FNDC1: variants seen among roughly 807,000 people sequenced by gnomAD.
FNDC1 encodes fibronectin type III domain-containing protein 1.
FNDC1 carries 96 observed loss-of-function variants against 168.0 expected under a neutral mutation model. The ratio of observed to expected loss-of-function variants is 0.57; its 90% CI spans 0.48 to 0.68. The LOEUF is 0.68. FNDC1 is among the 30% of genes least tolerant of loss of function. FNDC1 has a pLI of 0.00. For synonymous variants in FNDC1, 1,099 were observed against 1,025.9 expected (o/e 1.07, Z -1.36); for missense variants, 2,587 against 2,482.1 (o/e 1.04, Z -0.90).
chr6:159,261,157 T>C, intron 18 of FNDC1, 33 bp from the exon 19 acceptor site: 2 of 1,522,946 alleles, frequency 1.3e-6, no homozygotes, highest in Non-Finnish European at 1.8e-6. Context: ...CAAATACATG[T>C]CTCTTTCAAA....
chr6:159,171,337 G>T (rs1376129797), intron 1 of FNDC1, among the ~76,000 whole-genome samples: 6 of 152,202 alleles, frequency 3.9e-5, no homozygotes, highest in Non-Finnish European at 5.9e-5. Flanking sequence ...AGTAATAGAA[G>T]GATAGAAACA....
intron 1 of FNDC1, among the ~76,000 whole-genome samples, chr6:159,183,350 C>T (rs1168886301): frequency 6.6e-6 from 1 of 152,188 alleles, no homozygotes; most frequent in African/African-American, 2.4e-5. Context: ...AAAATCTCTC[C>T]TGCTTCCATG....
intron 1 of FNDC1, among the ~76,000 whole-genome samples, chr6:159,177,296 G>A (rs189514789): frequency 5.0e-4 from 76 of 152,246 alleles, no homozygotes; most frequent in Non-Finnish European, 8.4e-4. Context: ...AGTGTGGATA[G>A]CGGGTACCTT....
intron 22 of FNDC1, among the ~76,000 whole-genome samples, chr6:159,270,692 A>AATGGTCAGAT (rs1488069900): frequency 6.6e-6 from 1 of 152,226 alleles, no homozygotes; most frequent in Non-Finnish European, 1.5e-5. Context: ...AATGGTCAGA[A>AATGGTCAGAT]ATGCTACAGG....
intron 12 of FNDC1, among the ~76,000 whole-genome samples, chr6:159,237,552 C>G (rs758029461): frequency 2.6e-5 from 4 of 152,138 alleles, no homozygotes; most frequent in African/African-American, 9.7e-5. Flanking sequence ...TATTAGGCAA[C>G]GTGATTACAA....
At chr6:159,182,385 T>A (rs2114925658) in intron 1 of FNDC1, among the ~76,000 whole-genome samples, 1 of 152,296 alleles carries the variant, frequency 6.6e-6, no homozygotes, top group East Asian at 1.9e-4. Context: ...ACAGACTATG[T>A]GTCCTCTTGG....
At chr6:159,234,641 G>C (rs2932987) in intron 11 of FNDC1, among the ~76,000 whole-genome samples, 162 bp downstream of exon 11, 128,506 of 152,296 alleles carry the variant, frequency 0.84, 54,695 homozygotes, top group Non-Finnish European at 0.9. Flanking sequence ...ACGGTCCCTA[G>C]GGTTTGCATT....
intron 19 of FNDC1, among the ~76,000 whole-genome samples, chr6:159,264,249 C>G (rs1275212966): frequency 2.0e-5 from 3 of 152,204 alleles, no homozygotes; most frequent in African/African-American, 7.2e-5. Context: ...GTCCTTGTCT[C>G]TCTAGTTTAT....
intron 5 of FNDC1, among the ~76,000 whole-genome samples, chr6:159,220,369 G>A (rs1228688955): frequency 6.6e-6 from 1 of 152,176 alleles, no homozygotes; most frequent in African/African-American, 2.4e-5. Context: ...TGTCACTTCC[G>A]TTAACTTACT....
At chr6:159,221,731 G>C in intron 6 of FNDC1, 35 bp downstream of exon 6, 1 of 1,459,116 alleles carries the variant, frequency 6.9e-7, no homozygotes, top group Non-Finnish European at 9.6e-7. Context: ...TCAAACCATA[G>C]TCTGGTATGA....
At chr6:159,208,499 T>C (rs1030005182) in intron 4 of FNDC1, among the ~76,000 whole-genome samples, 1 of 152,218 alleles carries the variant, frequency 6.6e-6, no homozygotes, top group African/African-American at 2.4e-5. Flanking sequence ...GGCCATCCTG[T>C]GTAGAGCTCT....
rs1267149654 is a variant in FNDC1 at position 159,169,501 on chromosome 6, G to C, written c.-96G>C. On this transcript the variant is annotated 5_prime_UTR_variant, in exon 1 of 23. Transcript: ENST00000297267. The surrounding 1 kb of genome is among the most constrained non-coding windows in gnomAD (Gnocchi z 6.8). Reference sequence around the variant, plus strand: ...GCGCGCAGAACAGACGGACGGCGGCGGGGACCCGACGGCGGCGCCTCGGCA... The same window carrying C: ...GCGCGCAGAACAGACGGACGGCGGCCGGGACCCGACGGCGGCGCCTCGGCA... 1.2e-5 allele frequency: 3 copies of C among 244,380 alleles called. No individual in the cohort carries two copies. Among genetic ancestry groups the C allele is most frequent in the South Asian group, 3.3e-4 (2 of 6,152 alleles). The allele number at this position is 244,380 out of a possible 1,614,324, so 15.1% of individuals were successfully genotyped here.
intron 4 of FNDC1, among the ~76,000 whole-genome samples, chr6:159,214,484 T>C (rs190559059): frequency 8.5e-5 from 13 of 152,312 alleles, no homozygotes; most frequent in African/African-American, 3.1e-4. Flanking sequence ...CAGTTAATGA[T>C]TCATTGTAAA....
chr6:159,170,326 GA>G (rs772698332), intron 1 of FNDC1, among the ~76,000 whole-genome samples: 39 of 152,334 alleles, frequency 2.6e-4, no homozygotes, highest in Non-Finnish European at 4.4e-4. Context: ...AGAGGAGGGA[GA>G]GGGAAATGAG....
intron 5 of FNDC1, among the ~76,000 whole-genome samples, chr6:159,217,328 C>T (rs1782730012): frequency 6.6e-6 from 1 of 152,232 alleles, no homozygotes; most frequent in South Asian, 2.1e-4. Context: ...GCCCACACTC[C>T]TAGGCGCTCT....
rs543187494 is a variant in FNDC1, at chr6:159,265,996, A to G, written c.5285-88A>G. On this transcript the variant is annotated intron_variant, in intron 20 of 22. Transcript: ENST00000297267. ...AAGCCCTGTAAGGAAAGGAAGGCCC[A>G]GGAAGTCAGTGCAATTTCCTGGCAC... 1.2e-5 allele frequency: 17 copies of G among 1,397,710 alleles called. No individual in the cohort carries two copies. In the African/African-American group the frequency reaches 2.4e-4, roughly 20 times the overall value. 86.6% of individuals were successfully genotyped at this position (1,397,710 alleles called of 1,614,324 possible).
chr6:159,261,323 A>G, intron 19 of FNDC1, 54 bp downstream of exon 19: 1 of 1,214,988 alleles, frequency 8.2e-7, no homozygotes. Flanking sequence ...AATGAAATAA[A>G]TAATCTAGCA....
At chr6:159,266,291 G>A in intron 21 of FNDC1, 46 bp downstream of exon 21, 17 of 1,601,870 alleles carry the variant, frequency 1.1e-5, no homozygotes, top group Non-Finnish European at 1.4e-5. Context: ...GGAACATTTT[G>A]ATTTATCAAG....
intron 4 of FNDC1, among the ~76,000 whole-genome samples, 159 bp from the exon 5 acceptor site, chr6:159,214,786 T>TG (rs1051389826): frequency 3.3e-5 from 5 of 152,194 alleles, no homozygotes; most frequent in African/African-American, 1.2e-4. Context: ...TTGATACCCT[T>TG]GGGGGAAAAA....
Sources: gnomAD v4.1 joint callset for allele counts (sites outside exome capture counted in the v4.1 genomes callset) on GRCh38, gnomAD v4.1.1 for gene constraint, Gnocchi (gnomAD v3.1) non-coding constraint, MANE v1.5 for transcripts, NCBI Gene and HGNC (gene_info 2026-07-23, HGNC 2026-07-21) for gene names.